MED1: variants seen among roughly 807,000 people sequenced by gnomAD.
MED1 encodes mediator complex subunit 1.
Under a neutral mutation model 121.3 loss-of-function variants are expected in MED1, and 17 were observed. The ratio of observed to expected loss-of-function variants is 0.14; its 90% CI spans 0.10 to 0.21. MED1 has a LOEUF of 0.21. Among genes scored for constraint, MED1 ranks in the 10% least tolerant of loss-of-function variants. The pLI is 1.00. For missense variants in MED1, 1,558 were observed against 1,919.4 expected (o/e 0.81, Z 3.52); for synonymous variants, 661 against 694.4 (o/e 0.95, Z 0.76).
At chr17:39,446,897 G>A (rs2048733355) in intron 2 of MED1, among the ~76,000 whole-genome samples, 1 of 151,934 alleles carries the variant, frequency 6.6e-6, no homozygotes, top group South Asian at 2.1e-4. Context: ...CCATGATCGC[G>A]CCACTGCACT....
At position 39,409,249 on chromosome 17, in the gene MED1, T is replaced by A; in HGVS notation, c.2972A>T (p.Lys991Ile). 2 of 1,614,138 alleles carry A rather than the reference T, an allele frequency of 1.2e-6. No homozygotes were observed. The highest frequency in any genetic ancestry group is 1.3e-5 in the African/African-American group (1 of 75,022). ...STLSGPGLDSKPGKRSRTPSN... is the reference protein window; with the variant it reads ...STLSGPGLDSIPGKRSRTPSN... ...AGGGGTCCGACTGCGCTTCCCTGGT[T>A]TGCTGTCTAATCCGGGCCCCGAGAG... Residue 991 changes from lysine to isoleucine, a missense_variant, in exon 17 of 17, where the codon AAA becomes ATA. Physicochemically the swap from Lys to Ile is moderately radical, Grantham distance 102. Around this residue, in one of 5 missense-constraint regions of MED1, gnomAD observed 793 missense variants for 898.2 expected, o/e 0.88. Transcript: ENST00000300651.
chr17:39,429,818 G>A (rs1053125597), intron 9 of MED1, among the ~76,000 whole-genome samples: 1 of 151,730 alleles, frequency 6.6e-6, no homozygotes, highest in Non-Finnish European at 1.5e-5. Flanking sequence ...CGGGCGCAGT[G>A]GCTTATGCTT....
intron 15 of MED1, 56 bp downstream of exon 15, chr17:39,415,188 A>G: frequency 6.2e-7 from 1 of 1,606,208 alleles, no homozygotes; most frequent in Non-Finnish European, 8.5e-7. Context: ...CTTTTCCAAA[A>G]AAGACATAGG....
At chr17:39,412,410 TAG>T (rs2144719693) in intron 16 of MED1, among the ~76,000 whole-genome samples, 1 of 151,606 alleles carries the variant, frequency 6.6e-6, no homozygotes, top group Admixed American at 6.6e-5. Flanking sequence ...GTATTTTTAG[TAG>T]AGACAGGGTT....
chr17:39,425,315 C>T (rs1178334742), intron 10 of MED1, among the ~76,000 whole-genome samples: 2 of 152,126 alleles, frequency 1.3e-5, no homozygotes, highest in Non-Finnish European at 2.9e-5. Context: ...CTCAGCCTCC[C>T]ACGTACATGG....
intron 14 of MED1, among the ~76,000 whole-genome samples, chr17:39,418,731 A>T (rs1413105533): frequency 6.6e-6 from 1 of 151,414 alleles, no homozygotes; most frequent in Non-Finnish European, 1.5e-5. Context: ...TAGATTCCCA[A>T]CTCTTCCCAC....
chr17:39,409,922 C>A lies in MED1; in HGVS notation c.2299G>T (p.Val767Phe), dbSNP rs774172793. 6.2e-7 allele frequency: 1 copy of A among 1,614,032 alleles called. No homozygotes were observed. The highest frequency in any genetic ancestry group is 8.5e-7 in the Non-Finnish European group (1 of 1,180,024). Reference sequence around the variant, plus strand: ...ATGCTGTCTGAACTGGATAGTCGGACCATCCTTTGAATACTGGGTTGGGGG... The same window carrying A: ...ATGCTGTCTGAACTGGATAGTCGGAACATCCTTTGAATACTGGGTTGGGGG... ...PHPQPSIQRM[V>F]RLSSSDSIGP... is the part of the protein sequence containing the mutation. The change falls in exon 17 of 17, where the codon GTC (valine) becomes TTC (phenylalanine). Residue 767 changes from valine (V) to phenylalanine (F), a missense_variant. Around this residue, in one of 5 missense-constraint regions of MED1, gnomAD observed 793 missense variants for 898.2 expected, o/e 0.88. Coordinates refer to ENST00000300651, the MANE Select transcript of MED1 (RefSeq NM_004774.4).
intron 15 of MED1, 22 bp downstream of exon 15, chr17:39,415,222 G>A: frequency 6.2e-7 from 1 of 1,610,198 alleles, no homozygotes; most frequent in East Asian, 2.2e-5. Context: ...CATGAGAGGT[G>A]TTAGCCACCC....
At chr17:39,420,623 G>A (rs543438393) in intron 13 of MED1, among the ~76,000 whole-genome samples, 6 of 151,790 alleles carry the variant, frequency 4.0e-5, no homozygotes, top group South Asian at 4.2e-4. Flanking sequence ...GTTTTGGAAC[G>A]TTCCCTTATT....
chr17:39,413,457 T>A (rs763410619), intron 16 of MED1, among the ~76,000 whole-genome samples: 1 of 152,074 alleles, frequency 6.6e-6, no homozygotes, highest in Non-Finnish European at 1.5e-5. Context: ...AGATGACATC[T>A]CAACATGTTG....
intron 13 of MED1, among the ~76,000 whole-genome samples, chr17:39,420,585 G>T (rs576048565): frequency 1.3e-5 from 2 of 151,896 alleles, no homozygotes; most frequent in African/African-American, 4.8e-5. Context: ...TATTGTAAAA[G>T]ATTCAGATAA....
intron 1 of MED1, among the ~76,000 whole-genome samples, chr17:39,448,305 G>A (rs2048747931): frequency 6.7e-6 from 1 of 150,036 alleles, no homozygotes; most frequent in Admixed American, 6.7e-5. Context: ...AGGAGGCAGA[G>A]GTTGCAGTGA....
Position 39,435,906 on chromosome 17 carries a change from C to G in MED1, c.429-1586G>C, listed in dbSNP as rs574182874. On this transcript the variant is annotated intron_variant, in intron 6 of 16. Transcript: ENST00000300651. ...TTAGTAGACATAAGGTTTCACCATG[C>G]CTGGATACTACAAAAATTAGCCGGG... is the stretch of plus-strand genomic sequence containing the variant. Among the ~76,000 whole-genome samples the G allele has an allele frequency of 6.6e-5, 10 of 152,054 alleles. No individual in the cohort carries two copies. In the South Asian group the frequency reaches 2.1e-3, roughly 32 times the overall value.
chr17:39,405,819 C>T lies in MED1; in HGVS notation c.*1656G>A. On this transcript the variant is annotated 3_prime_UTR_variant, in exon 17 of 17. Coordinates refer to ENST00000300651, the MANE Select transcript of MED1 (RefSeq NM_004774.4). Reference sequence around the variant, plus strand: ...CTGATTTTCCAACTCTATGCTGACTCCAACCTGCAGAAAAAGCTGAATATA... The same window carrying T: ...CTGATTTTCCAACTCTATGCTGACTTCAACCTGCAGAAAAAGCTGAATATA... The T allele has an allele frequency of 1.0e-6, 1 of 985,922 alleles. No individual in the cohort carries two copies. Among genetic ancestry groups the T allele is most frequent in the Non-Finnish European group, 1.2e-6 (1 of 830,214 alleles). 61.1% of individuals were successfully genotyped at this position (985,922 alleles called of 1,614,324 possible).
At chr17:39,438,764 C>T (rs1311782920) in intron 6 of MED1, among the ~76,000 whole-genome samples, 2 of 152,118 alleles carry the variant, frequency 1.3e-5, no homozygotes, top group Non-Finnish European at 2.9e-5. Flanking sequence ...TGAGCCACCG[C>T]ACCCAGCCAC....
chr17:39,419,632 G>A, intron 14 of MED1, 85 bp downstream of exon 14: 1 of 1,382,794 alleles, frequency 7.2e-7, no homozygotes, highest in South Asian at 1.2e-5. Context: ...AGTTCTACAG[G>A]TGATTCTGAT....
At chr17:39,433,546 T>TATATAC (rs540103395) in intron 7 of MED1, among the ~76,000 whole-genome samples, 19 of 150,528 alleles carry the variant, frequency 1.3e-4, no homozygotes, top group African/African-American at 4.4e-4. Context: ...TATATATATA[T>TATATAC]ACACACATAT....
chr17:39,404,554 G>GA lies in MED1; in HGVS notation c.*2920dup, dbSNP rs2048288206. 6.6e-6 allele frequency: 1 copy of GA among 152,224 alleles called. No individual in the cohort carries two copies. Among genetic ancestry groups the GA allele is most frequent in the South Asian group, 2.1e-4 (1 of 4,824 alleles). 9.4% of individuals were successfully genotyped at this position (152,224 alleles called of 1,614,324 possible). On this transcript the variant is annotated 3_prime_UTR_variant, in exon 17 of 17. Coordinates refer to ENST00000300651, the MANE Select transcript of MED1 (RefSeq NM_004774.4). ...GCATGTTTCCCAATCTAGCTTCTGA[G>GA]ATGTTAAGTACTTCCTGCCCCTCCA...
intron 6 of MED1, among the ~76,000 whole-genome samples, chr17:39,437,588 G>A (rs528358243): frequency 6.6e-6 from 1 of 151,842 alleles, no homozygotes; most frequent in South Asian, 2.1e-4. Flanking sequence ...GAGACCCTGG[G>A]ATATCTTTCT....
Sources: gnomAD v4.1 joint callset for allele counts (sites outside exome capture counted in the v4.1 genomes callset) on GRCh38, gnomAD v4.1.1 for gene constraint, gnomAD v4.1.1 regional missense constraint, MANE v1.5 for transcripts, NCBI Gene and HGNC (gene_info 2026-07-23, HGNC 2026-07-21) for gene names.